Variants in ME3 observed in about 807,000 individuals in gnomAD.
The protein encoded by ME3 is NADP-dependent malic enzyme, mitochondrial.
ME3 carries 48 observed loss-of-function variants against 68.9 expected under a neutral mutation model. The ratio of observed to expected loss-of-function variants is 0.70; its 90% CI spans 0.55 to 0.89. The LOEUF is 0.89. Ranked by LOEUF, ME3 falls within the 40% of genes least tolerant of loss-of-function variation. ME3 has a pLI of 0.00. For synonymous variants in ME3, 320 were observed against 318.8 expected (o/e 1.00, Z -0.04); for missense variants, 675 against 797.4 (o/e 0.85, Z 1.85).
chr11:86,525,138 C>T lies in ME3; in HGVS notation c.468-16271G>A, dbSNP rs149727901. On this transcript the variant is annotated intron_variant, in intron 4 of 14. Transcript: ENST00000543262. ...GACTTAGACCCAAATTCTAGGTCAT[C>T]TGGTTAGTAGTGACCTTGACAAATG... 2.5e-3 allele frequency among the ~76,000 whole-genome samples: 385 copies of T among 152,294 alleles called. 2 individuals carry two copies. Among genetic ancestry groups the T allele is most frequent in the African/African-American group, 8.5e-3 (355 of 41,570 alleles).
chr11:86,531,332 TAA>T (rs927897681), intron 4 of ME3, among the ~76,000 whole-genome samples: 7 of 151,996 alleles, frequency 4.6e-5, no homozygotes, highest in African/African-American at 1.7e-4. Flanking sequence ...TGGCCATCAT[TAA>T]AAAGTCAGGA....
chr11:86,627,825 AG>A (rs1943756028), intron 2 of ME3, among the ~76,000 whole-genome samples: 1 of 152,258 alleles, frequency 6.6e-6, no homozygotes, highest in Non-Finnish European at 1.5e-5. Flanking sequence ...GTGGGGCAAG[AG>A]GCCTATGGGC....
intron 2 of ME3, among the ~76,000 whole-genome samples, chr11:86,649,619 C>A (rs1480008665): frequency 1.3e-5 from 2 of 152,196 alleles, no homozygotes; most frequent in African/African-American, 4.8e-5. Flanking sequence ...AGTAAAGTCT[C>A]AGGATACAAA....
At chr11:86,621,242 G>A (rs1042112650) in intron 2 of ME3, among the ~76,000 whole-genome samples, 2 of 152,206 alleles carry the variant, frequency 1.3e-5, no homozygotes, top group African/African-American at 4.8e-5. Flanking sequence ...GAGGTAATAA[G>A]AGGAGAAAAG....
intron 2 of ME3, among the ~76,000 whole-genome samples, chr11:86,612,366 T>G (rs975780322): frequency 3.9e-5 from 6 of 152,216 alleles, no homozygotes; most frequent in Admixed American, 2.6e-4. Context: ...AGTGCTGTAA[T>G]AAACATATGT....
rs147274139 is a variant in ME3 at position 86,493,814 on chromosome 11, T to C, written c.705+4149A>G. Among the ~76,000 whole-genome samples the C allele has an allele frequency of 3.6e-3, 542 of 152,258 alleles. 1 individual carries two copies. The highest frequency in any genetic ancestry group is 0.012 in the African/African-American group (486 of 41,548). ...CTTCAACAGGAAACCTGGAGGGGTGTTGTCTTTGACTGTGATTAAAGCTCC... is the reference window on the plus strand; with the variant it reads ...CTTCAACAGGAAACCTGGAGGGGTGCTGTCTTTGACTGTGATTAAAGCTCC... On this transcript the variant is annotated intron_variant, in intron 6 of 14. Coordinates refer to ENST00000543262, the Ensembl canonical transcript of ME3.
chr11:86,629,117 C>T (rs189603462), intron 2 of ME3, among the ~76,000 whole-genome samples: 2 of 152,294 alleles, frequency 1.3e-5, no homozygotes, highest in Admixed American at 1.3e-4. Context: ...ATGGGTCTGA[C>T]TGATGGTTTG....
chr11:86,532,195 G>A (rs1955300347), intron 4 of ME3, among the ~76,000 whole-genome samples: 1 of 152,220 alleles, frequency 6.6e-6, no homozygotes, highest in Non-Finnish European at 1.5e-5. Context: ...AAATATATTT[G>A]CACCTAACCT....
At chr11:86,475,874 T>TATAGAGAGAGAGAGAGAG in intron 7 of ME3, among the ~76,000 whole-genome samples, 52 of 91,462 alleles carry the variant, frequency 5.7e-4, no homozygotes, top group East Asian at 3.3e-3. Flanking sequence ...TATATATATA[T>TATAGAGAGAGAGAGAGAG]AGAGAGAGAG....
chr11:86,505,084 G>A (rs1952982584), intron 5 of ME3, among the ~76,000 whole-genome samples: 1 of 152,184 alleles, frequency 6.6e-6, no homozygotes, highest in African/African-American at 2.4e-5. Flanking sequence ...ATGAAGTAGT[G>A]AAGAAGAGGT....
chr11:86,635,995 G>A (rs995561885), intron 2 of ME3, among the ~76,000 whole-genome samples: 5 of 152,258 alleles, frequency 3.3e-5, no homozygotes, highest in East Asian at 1.9e-4. Context: ...CCTAGTCCCC[G>A]TATCCTGGGA....
At chr11:86,642,320 A>G (rs659301) in intron 2 of ME3, among the ~76,000 whole-genome samples, 137,834 of 152,268 alleles carry the variant, frequency 0.91, 62,457 homozygotes, top group Middle Eastern at 0.97. Context: ...TCCCACCCAT[A>G]TCTTTGTGAT....
intron 2 of ME3, among the ~76,000 whole-genome samples, chr11:86,655,259 T>C (rs1052678107): frequency 1.3e-5 from 2 of 152,112 alleles, no homozygotes; most frequent in Non-Finnish European, 2.9e-5. Context: ...TTAAAGTTCA[T>C]ATGGAACCAA....
intron 2 of ME3, among the ~76,000 whole-genome samples, chr11:86,581,112 G>T (rs1197801637): frequency 6.6e-6 from 1 of 152,166 alleles, no homozygotes; most frequent in East Asian, 1.9e-4. Context: ...CCGTGAAATA[G>T]TAAGGAGAAA....
intron 2 of ME3, among the ~76,000 whole-genome samples, chr11:86,637,440 A>G (rs1448131192): frequency 6.6e-6 from 1 of 151,982 alleles, no homozygotes; most frequent in Non-Finnish European, 1.5e-5. Flanking sequence ...GAAAGCCCAT[A>G]TTTGGTCTAG....
intron 7 of ME3, among the ~76,000 whole-genome samples, chr11:86,467,693 T>TCACACACA (rs368384131): frequency 2.1e-5 from 3 of 143,228 alleles, no homozygotes; most frequent in Admixed American, 6.9e-5. Flanking sequence ...TCTCTCTCTC[T>TCACACACA]CACACACACA....
chr11:86,443,286 T>G (rs1356293786), intron 13 of ME3, among the ~76,000 whole-genome samples: 3 of 152,208 alleles, frequency 2.0e-5, no homozygotes, highest in African/African-American at 7.2e-5. Context: ...CCCAGCCTCC[T>G]TCCACGTGCT....
intron 2 of ME3, among the ~76,000 whole-genome samples, chr11:86,626,940 ATTT>A (rs1943702551): frequency 1.3e-5 from 2 of 152,186 alleles, no homozygotes; most frequent in African/African-American, 2.4e-5. Context: ...TAACTGGTAT[ATTT>A]TCCTTGGGAT....
chr11:86,588,382 TAAC>T (rs1406612409), intron 2 of ME3, among the ~76,000 whole-genome samples: 1 of 152,192 alleles, frequency 6.6e-6, no homozygotes, highest in African/African-American at 2.4e-5. Context: ...ATTAATTACT[TAAC>T]TAATTTTCTG....
Sources: gnomAD v4.1 joint callset for allele counts (sites outside exome capture counted in the v4.1 genomes callset) on GRCh38, gnomAD v4.1.1 for gene constraint, MANE v1.5 for transcripts, NCBI Gene and HGNC (gene_info 2026-07-23, HGNC 2026-07-21) for gene names.